The following TPPP variants were observed in gnomAD, a reference collection of about 807,000 sequenced individuals.
TPPP encodes tubulin polymerization promoting protein.
Under a neutral mutation model 15.5 loss-of-function variants are expected in TPPP, and 6 were observed. The observed-to-expected ratio is 0.39, with a 90% CI of 0.21 to 0.77. The LOEUF (loss-of-function observed/expected upper bound fraction) is 0.77, where lower values mean the gene tolerates loss of function less well. Ranked by LOEUF, TPPP falls within the 30% of genes least tolerant of loss-of-function variation. TPPP has a pLI of 0.42. For synonymous variants in TPPP, 146 were observed against 133.9 expected (o/e 1.09, Z -0.63); for missense variants, 269 against 307.2 (o/e 0.88, Z 0.93).
intron 2 of TPPP, among the ~76,000 whole-genome samples, chr5:668,558 G>A (rs963176290): frequency 6.6e-5 from 10 of 152,222 alleles, no homozygotes; most frequent in African/African-American, 2.2e-4. Flanking sequence ...CAAATAAACT[G>A]CCGGCACCTC....
At chr5:668,276 T>G (rs57793106) in intron 2 of TPPP, among the ~76,000 whole-genome samples, 4,762 of 22,222 alleles carry the variant, frequency 0.21, 949 homozygotes, top group African/African-American at 0.52. Context: ...CGGAGAGGGG[T>G]CCGCGTGGGC....
chr5:665,941 G>T, intron 3 of TPPP, 29 bp downstream of exon 3: 1 of 378,594 alleles, frequency 2.6e-6, no homozygotes, highest in Non-Finnish European at 4.1e-6. Context: ...CCCCCTCCAG[G>T]CCCCGCCTTC....
Position 664,937 on chromosome 5 carries a change from G to T in TPPP, c.*165C>A, listed in dbSNP as rs1561079180. The T allele has an allele frequency of 2.7e-6, 2 of 740,468 alleles. No individual in the cohort carries two copies. Among genetic ancestry groups the T allele is most frequent in the Non-Finnish European group, 2.2e-6 (1 of 462,612 alleles). The allele number at this position is 740,468 out of a possible 1,614,324, so 45.9% of individuals were successfully genotyped here. A position where few individuals can be genotyped will look rare whatever the true frequency, so the allele number is the denominator to read the frequency against. On this transcript the variant is annotated 3_prime_UTR_variant, in exon 4 of 4. Coordinates refer to ENST00000360578, the MANE Select transcript of TPPP (RefSeq NM_007030.3). ...GAGAGGGGAGTGCTGGGGGCATCCG[G>T]TAGGAGGAGGGGCAGGAGGGAGGCC...
chr5:694,290 G>C (rs364147), upstream of TPPP, among the ~76,000 whole-genome samples: 40 of 150,626 alleles, frequency 2.7e-4, no homozygotes, highest in South Asian at 2.1e-4. Flanking sequence ...GCTGGGACTT[G>C]AGGGGCATAG....
chr5:692,915 A>G (rs4990988), intron 1 of TPPP: 641,024 of 894,418 alleles, frequency 0.72, 244,975 homozygotes, highest in African/African-American at 0.94. Flanking sequence ...TCGAGTCCCG[A>G]GCTGGGGAGG....
intron 2 of TPPP, among the ~76,000 whole-genome samples, chr5:671,011 G>T (rs1030350799): frequency 6.6e-6 from 1 of 151,912 alleles, no homozygotes; most frequent in Middle Eastern, 3.4e-3. Flanking sequence ...GCCCCAGGGC[G>T]GGCTGAGGGC....
chr5:700,083 C>G, the TPPP span, among the ~76,000 whole-genome samples: 1 of 151,908 alleles, frequency 6.6e-6, no homozygotes, highest in Non-Finnish European at 1.5e-5. Context: ...TTCAGCAACC[C>G]CACTACTCGG....
intron 3 of TPPP, 96 bp downstream of exon 3, chr5:665,874 T>G: frequency 3.5e-5 from 4 of 114,996 alleles, no homozygotes; most frequent in Non-Finnish European, 4.9e-5. Context: ...CCCCAATCCA[T>G]GTCCCTCCTG....
chr5:683,350 G>T (rs1740679435), intron 1 of TPPP, among the ~76,000 whole-genome samples: 1 of 152,206 alleles, frequency 6.6e-6, no homozygotes, highest in African/African-American at 2.4e-5. Flanking sequence ...CATTCCTTGG[G>T]AAGTGACCAG....
intron 1 of TPPP, among the ~76,000 whole-genome samples, chr5:681,727 C>A (rs1418420089): frequency 6.6e-6 from 1 of 151,634 alleles, no homozygotes; most frequent in African/African-American, 2.4e-5. Context: ...CCTACGGGCT[C>A]ACCCACGGGT....
intron 1 of TPPP, among the ~76,000 whole-genome samples, chr5:682,754 C>T (rs1389362491): frequency 2.0e-5 from 3 of 152,160 alleles, no homozygotes; most frequent in Non-Finnish European, 4.4e-5. Context: ...CACGCCCACG[C>T]GGGGGTGGCG....
At chr5:682,728 T>G (rs1288965394) in intron 1 of TPPP, among the ~76,000 whole-genome samples, 6 of 152,292 alleles carry the variant, frequency 3.9e-5, no homozygotes, top group African/African-American at 1.4e-4. Context: ...GCCTCGGTGC[T>G]CCCTTGTTCA....
At chr5:676,316 C>T (rs1561087883) in intron 2 of TPPP, 1 of 152,322 alleles carries the variant, frequency 6.6e-6, no homozygotes, top group Non-Finnish European at 1.5e-5. Flanking sequence ...CCGGGAGACA[C>T]ATGTGACATC....
At chr5:679,439 A>T (rs1230344563) in intron 1 of TPPP, among the ~76,000 whole-genome samples, 1 of 145,806 alleles carries the variant, frequency 6.9e-6, no homozygotes, top group Non-Finnish European at 1.5e-5. Flanking sequence ...TGGGGGCAGG[A>T]TCCTGGGGGT....
intron 1 of TPPP, among the ~76,000 whole-genome samples, chr5:681,482 C>T (rs1460421907): frequency 6.6e-6 from 1 of 152,218 alleles, no homozygotes; most frequent in East Asian, 1.9e-4. Context: ...ACTCCCAGGC[C>T]TGTGTCTTGC....
At chr5:675,298 T>G (rs1580087628) in intron 2 of TPPP, among the ~76,000 whole-genome samples, 1 of 54,444 alleles carries the variant, frequency 1.8e-5, no homozygotes, top group Non-Finnish European at 3.3e-5. Flanking sequence ...TGGCCAGGGG[T>G]GCAGCGTGGG....
At position 663,284 on chromosome 5, in the gene TPPP, C is replaced by A. The variant is rs147523972; in HGVS notation, c.*1818G>T. 1 of 152,422 alleles carries A rather than the reference C, an allele frequency of 6.6e-6. No homozygotes were observed. The highest frequency in any genetic ancestry group is 2.4e-5 in the African/African-American group (1 of 41,454). 9.4% of individuals were successfully genotyped at this position (152,422 alleles called of 1,614,324 possible). A position where few individuals can be genotyped will look rare whatever the true frequency, so the allele number is the denominator to read the frequency against. On this transcript the variant is annotated 3_prime_UTR_variant, in exon 4 of 4. Transcript: ENST00000360578. Reference sequence around the variant, plus strand: ...CCGCACGTTAGTTCTGCCTTTCACACGCGGTCCAGCCAGGTTCAGCGGGGG... The same window carrying A: ...CCGCACGTTAGTTCTGCCTTTCACAAGCGGTCCAGCCAGGTTCAGCGGGGG...
chr5:693,383 C>T (rs1740948021), upstream of TPPP: 1 of 147,042 alleles, frequency 6.8e-6, no homozygotes, highest in African/African-American at 2.5e-5. Context: ...GCCCGTCCCG[C>T]CCAGCACCGC....
intron 2 of TPPP, among the ~76,000 whole-genome samples, chr5:677,546 C>T (rs1179086072): frequency 6.6e-6 from 1 of 152,184 alleles, no homozygotes; most frequent in Non-Finnish European, 1.5e-5. Context: ...CCGAGAAGTC[C>T]GGCAATGCCC....
Sources: allele counts gnomAD v4.1 joint callset (sites outside exome capture counted in the v4.1 genomes callset), GRCh38; gene constraint gnomAD v4.1.1; transcripts MANE v1.5; gene names NCBI Gene and HGNC (gene_info 2026-07-23, HGNC 2026-07-21).